Variants in TCAIM observed in about 807,000 individuals in gnomAD.
TCAIM encodes the protein T cell activation inhibitor, mitochondrial.
TCAIM carries 36 observed loss-of-function variants against 58.6 expected under a neutral mutation model. That is an observed-to-expected ratio of 0.61 (90% CI 0.47 to 0.81). The LOEUF is 0.81. Ranked by LOEUF, TCAIM falls within the 30% of genes least tolerant of loss-of-function variation. The probability of loss-of-function intolerance (pLI) is 0.00; values close to 1 mark genes in which losing one functional copy is unlikely to be tolerated. For missense variants in TCAIM, 466 were observed against 579.6 expected (o/e 0.80, Z 2.01); for synonymous variants, 172 against 193.6 (o/e 0.89, Z 0.93).
At chr3:44,403,764 C>A (rs1702057904) in intron 10 of TCAIM, among the ~76,000 whole-genome samples, 1 of 152,180 alleles carries the variant, frequency 6.6e-6, no homozygotes, top group Non-Finnish European at 1.5e-5. Context: ...TGTCTCACTC[C>A]CTACCCCAGT....
chr3:44,338,746 G>C (rs190883922), upstream of TCAIM: 1 of 152,434 alleles, frequency 6.6e-6, no homozygotes, highest in East Asian at 1.9e-4. Flanking sequence ...ACAGCCCTGC[G>C]GGCGGAGCGA....
At chr3:44,367,787 AT>A (rs1701405201) in intron 5 of TCAIM, 79 bp downstream of exon 5, 7 of 1,355,162 alleles carry the variant, frequency 5.2e-6, no homozygotes, top group South Asian at 3.5e-5. Context: ...TGGCAAAAAC[AT>A]TTTTTTATAA....
intron 6 of TCAIM, among the ~76,000 whole-genome samples, chr3:44,394,559 G>A (rs1038092246): frequency 6.6e-6 from 1 of 151,900 alleles, no homozygotes; most frequent in Non-Finnish European, 1.5e-5. Context: ...ACAGTATCAT[G>A]GAGAAATTTC....
chr3:44,361,510 G>C lies in TCAIM; in HGVS notation c.311G>C (p.Ser104Thr), dbSNP rs1351562383. Residue 104 changes from serine to threonine, a missense_variant, in exon 4 of 11, where the codon AGT becomes ACT. Ser to Thr is a moderately conservative substitution (Grantham distance 58). Transcript: ENST00000342649. ...QSSSDGQEPF[S>T]TSGFRAVKFT... is the part of the protein sequence containing the mutation. ...TCCTCCGATGGCCAGGAACCTTTTA[G>C]TACTTCCGGTACGTTTTTTATTTCT... 6.3e-7 allele frequency: 1 copy of C among 1,589,904 alleles called. No homozygotes were observed. The highest frequency in any genetic ancestry group is 1.8e-5 in the Admixed American group (1 of 54,070).
At chr3:44,356,405 T>G (rs564658703) in intron 2 of TCAIM, among the ~76,000 whole-genome samples, 2 of 152,074 alleles carry the variant, frequency 1.3e-5, no homozygotes, top group African/African-American at 4.8e-5. Context: ...CGTGCACCTG[T>G]AATCCCAGCT....
chr3:44,343,127 ACT>A (rs965995866), intron 1 of TCAIM, among the ~76,000 whole-genome samples: 5 of 151,022 alleles, frequency 3.3e-5, no homozygotes, highest in African/African-American at 9.8e-5. Context: ...ACAGAGCGAG[ACT>A]CTGTCTCAAA....
intron 5 of TCAIM, among the ~76,000 whole-genome samples, chr3:44,372,152 A>G (rs1701488227): frequency 6.6e-6 from 1 of 152,194 alleles, no homozygotes; most frequent in Non-Finnish European, 1.5e-5. Context: ...TGGCGGGGCC[A>G]ACTGCGGGAC....
intron 5 of TCAIM, among the ~76,000 whole-genome samples, chr3:44,370,404 CA>C (rs1701446144): frequency 1.4e-5 from 2 of 142,728 alleles, no homozygotes; most frequent in Non-Finnish European, 3.0e-5. Flanking sequence ...TGCAGTGAGC[CA>C]ACATCACGCC....
chr3:44,390,684 A>T (rs563292969), intron 5 of TCAIM, among the ~76,000 whole-genome samples: 1 of 152,258 alleles, frequency 6.6e-6, no homozygotes. Context: ...ATTTTAAGAA[A>T]AAATGGCCAG....
chr3:44,362,581 C>G (rs749971107), intron 4 of TCAIM: 3 of 394,778 alleles, frequency 7.6e-6, no homozygotes, highest in African/African-American at 2.1e-5. Context: ...TCACAAATTC[C>G]TTTTCTTGGC....
rs1702017265 is a variant in TCAIM at position 44,401,223 on chromosome 3, T to G, written c.1139T>G (p.Leu380Trp). ...ILNSDRYAPS[L>W]HELGHFNIPT... is the part of the protein sequence containing the mutation. ...TGCAGTGACAGATATGCTCCAAGCT[T>G]GCATGAACTCGGGCATTTTAATATT... The change falls in exon 10 of 11, where the codon TTG (leucine) becomes TGG (tryptophan). Residue 380 changes from leucine to tryptophan, a missense_variant. By Grantham distance (61) the Leu-to-Trp change is moderately conservative. Coordinates refer to ENST00000342649, the MANE Select transcript of TCAIM (RefSeq NM_173826.4). The G allele has an allele frequency of 1.2e-6, 2 of 1,613,982 alleles. No individual in the cohort carries two copies. The highest frequency in any genetic ancestry group is 1.7e-6 in the Non-Finnish European group (2 of 1,179,996).
chr3:44,397,087 T>C (rs1489670869), intron 8 of TCAIM, among the ~76,000 whole-genome samples: 2 of 152,228 alleles, frequency 1.3e-5, no homozygotes, highest in Non-Finnish European at 2.9e-5. Flanking sequence ...AAGCACAGCC[T>C]GAAAGCCTAT....
rs188600956 is a variant in TCAIM, at chr3:44,385,999, T to C, written c.573-6856T>C. On this transcript the variant is annotated intron_variant, in intron 5 of 10. Coordinates refer to ENST00000342649, the MANE Select transcript of TCAIM (RefSeq NM_173826.4). ...TAGCCAGCAACTTATACTTTCTTTT[T>C]TTTTAACCTGTTTTTTAATTTTAAT... is the stretch of plus-strand genomic sequence containing the variant. 2.6e-3 allele frequency among the ~76,000 whole-genome samples: 401 copies of C among 152,252 alleles called. 4 individuals are homozygous for C. Among genetic ancestry groups the C allele is most frequent in the Non-Finnish European group, 5.0e-3 (338 of 68,032 alleles).
intron 8 of TCAIM, among the ~76,000 whole-genome samples, chr3:44,398,478 T>C (rs984007226): frequency 2.0e-5 from 3 of 151,844 alleles, no homozygotes; most frequent in African/African-American, 7.3e-5. Flanking sequence ...GATAGATAGA[T>C]AGATAGATAG....
At chr3:44,401,064 T>C in intron 9 of TCAIM, 139 bp from the exon 10 acceptor site, 1 of 1,258,862 alleles carries the variant, frequency 7.9e-7, no homozygotes, top group Non-Finnish European at 1.1e-6. Context: ...AGCAAAGCTT[T>C]AAGTCAATGT....
chr3:44,394,663 A>G (rs1313147499), intron 6 of TCAIM, among the ~76,000 whole-genome samples: 1 of 151,518 alleles, frequency 6.6e-6, no homozygotes, highest in Non-Finnish European at 1.5e-5. Flanking sequence ...TGGGAGGCCA[A>G]GGCGGGCAGA....
intron 5 of TCAIM, among the ~76,000 whole-genome samples, 153 bp from the exon 6 acceptor site, chr3:44,392,702 A>G (rs1392915546): frequency 6.6e-6 from 1 of 152,218 alleles, no homozygotes; most frequent in African/African-American, 2.4e-5. Flanking sequence ...TATATGTACC[A>G]CATTTTCTTT....
At chr3:44,403,868 C>T (rs1273212286) in intron 10 of TCAIM, among the ~76,000 whole-genome samples, 1 of 152,078 alleles carries the variant, frequency 6.6e-6, no homozygotes, top group Admixed American at 6.5e-5. Flanking sequence ...GTGATGGCCT[C>T]TTGTCTGGTC....
rs375210033 is a variant in TCAIM at position 44,358,328 on chromosome 3, T to C, written c.165+452T>C. Reference sequence around the variant, plus strand: ...TGTGTGCTCCAGGAATACAAACTGATATGAAAAATGACTTATGGTAGATGT... The same window carrying C: ...TGTGTGCTCCAGGAATACAAACTGACATGAAAAATGACTTATGGTAGATGT... On this transcript the variant is annotated intron_variant, in intron 3 of 10. Coordinates refer to ENST00000342649, the MANE Select transcript of TCAIM (RefSeq NM_173826.4). The C allele has an allele frequency of 1.8e-4, 144 of 796,348 alleles. 1 individual carries two copies. In the African/African-American group the frequency reaches 2.0e-3, roughly 11 times the overall value. The allele number at this position is 796,348 out of a possible 1,614,324, so 49.3% of individuals were successfully genotyped here.
Sources: allele counts gnomAD v4.1 joint callset (sites outside exome capture counted in the v4.1 genomes callset), GRCh38; gene constraint gnomAD v4.1.1; transcripts MANE v1.5; gene names NCBI Gene and HGNC (gene_info 2026-07-23, HGNC 2026-07-21).